DGKG: variants seen among roughly 807,000 people sequenced by gnomAD.
DGKG encodes the protein DAG kinase gamma.
A neutral mutation model predicts 105.3 loss-of-function variants in DGKG; 78 were observed. That is an observed-to-expected ratio of 0.74 (90% CI 0.62 to 0.89). The LOEUF is 0.89. DGKG is among the 40% of genes least tolerant of loss of function. DGKG has a pLI of 0.00. For synonymous variants in DGKG, 346 were observed against 367.1 expected (o/e 0.94, Z 0.66); for missense variants, 958 against 1,020.1 (o/e 0.94, Z 0.83).
At chr3:186,254,079 T>C (rs1026040873) in intron 17 of DGKG, among the ~76,000 whole-genome samples, 5 of 152,184 alleles carry the variant, frequency 3.3e-5, no homozygotes, top group African/African-American at 7.2e-5. Flanking sequence ...TGTTTTCATC[T>C]GGCCTCAGAT....
rs547248086 is a variant in DGKG at position 186,297,240 on chromosome 3, C to T, written c.373+181G>A. 1.8e-3 allele frequency among the ~76,000 whole-genome samples: 279 copies of T among 152,278 alleles called. 3 individuals carry two copies. The highest frequency in any genetic ancestry group is 2.2e-3 in the Non-Finnish European group (149 of 68,022). ...AAAAACCTTTACCCAGCCTCAGAAT[C>T]CCAGAACATTCAAATGACAGGAGCC... On this transcript the variant is annotated intron_variant, in intron 5 of 24. Coordinates refer to ENST00000265022, the MANE Select transcript of DGKG (RefSeq NM_001346.3).
intron 2 of DGKG, among the ~76,000 whole-genome samples, chr3:186,309,376 G>A (rs1331559050): frequency 2.0e-5 from 3 of 152,196 alleles, no homozygotes; most frequent in Non-Finnish European, 4.4e-5. Flanking sequence ...GGTCTTGAAT[G>A]TAGAGTTAAG....
At chr3:186,303,424 C>T (rs1259416061) in intron 3 of DGKG, among the ~76,000 whole-genome samples, 3 of 152,188 alleles carry the variant, frequency 2.0e-5, no homozygotes, top group African/African-American at 7.2e-5. Flanking sequence ...GGGCAATTTG[C>T]TCCTGCTGCA....
At chr3:186,261,646 G>T in intron 15 of DGKG, 53 bp downstream of exon 15, 2 of 1,292,594 alleles carry the variant, frequency 1.5e-6, no homozygotes, top group East Asian at 2.4e-5. Flanking sequence ...GGGGAGGAAG[G>T]GCCTGAGTCG....
chr3:186,197,552 C>T (rs1718241804), intron 21 of DGKG, among the ~76,000 whole-genome samples: 1 of 152,158 alleles, frequency 6.6e-6, no homozygotes, highest in South Asian at 2.1e-4. Flanking sequence ...CAGTGGTGCT[C>T]ATTTACAGCG....
chr3:186,161,008 G>GTTA, intron 24 of DGKG: 5 of 985,654 alleles, frequency 5.1e-6, no homozygotes, highest in Non-Finnish European at 6.0e-6. Flanking sequence ...TACGTTCTGG[G>GTTA]TGACAGTGCC....
At chr3:186,209,387 C>T (rs1173610157) in intron 21 of DGKG, among the ~76,000 whole-genome samples, 1 of 152,144 alleles carries the variant, frequency 6.6e-6, no homozygotes, top group Non-Finnish European at 1.5e-5. Context: ...CAAGTGTGAG[C>T]CACTGCACCT....
chr3:186,295,638 T>TAAAAAAAAAAAAAAAAA (rs34829528), intron 5 of DGKG, among the ~76,000 whole-genome samples: 4 of 84,510 alleles, frequency 4.7e-5, no homozygotes, highest in African/African-American at 2.0e-4. Flanking sequence ...TAATGCACAG[T>TAAAAAAAAAAAAAAAAA]AAAAAAAAAA....
intron 21 of DGKG, among the ~76,000 whole-genome samples, chr3:186,205,334 G>A (rs1718677454): frequency 6.6e-6 from 1 of 151,534 alleles, no homozygotes; most frequent in Non-Finnish European, 1.5e-5. Flanking sequence ...AGAACATAAA[G>A]GTGAGTGAAA....
At chr3:186,269,798 C>A (rs1370690195) in intron 11 of DGKG, among the ~76,000 whole-genome samples, 2 of 152,152 alleles carry the variant, frequency 1.3e-5, no homozygotes, top group Non-Finnish European at 2.9e-5. Context: ...GCTCCGTGAC[C>A]AGGAAAGACC....
At chr3:186,280,051 T>A in intron 8 of DGKG, 78 bp from the exon 9 acceptor site, 2 of 1,562,668 alleles carry the variant, frequency 1.3e-6, no homozygotes, top group Non-Finnish European at 1.8e-6. Flanking sequence ...GCTGTCTTGT[T>A]CATCTTGCAT....
At chr3:186,305,066 T>TA (rs2108623347) in intron 3 of DGKG, among the ~76,000 whole-genome samples, 1 of 152,368 alleles carries the variant, frequency 6.6e-6, no homozygotes, top group East Asian at 1.9e-4. Context: ...GAATGCCTGC[T>TA]ATAAGCCAGA....
intron 1 of DGKG, among the ~76,000 whole-genome samples, chr3:186,334,842 G>A (rs1194909772): frequency 3.9e-5 from 6 of 152,012 alleles, no homozygotes; most frequent in Non-Finnish European, 7.4e-5. Context: ...CAAAGTTAAC[G>A]GGCATTGGCT....
In DGKG at chr3:186,249,748, G is replaced by A. The variant is rs569971832; in HGVS notation, c.1761+2011C>T. On this transcript the variant is annotated intron_variant, in intron 19 of 24. Transcript: ENST00000265022. ...CCCCAACTTCTGAGGCAGGAGAATC[G>A]CTTGAACCTGGGAAGCGGAGGTTTC... Among the ~76,000 whole-genome samples, 9 of 152,230 alleles carry A rather than the reference G, an allele frequency of 5.9e-5. No individual in the cohort carries two copies. The South Asian group carries it at 1.5e-3, about 25-fold the overall frequency.
chr3:186,267,781 G>A lies in DGKG; in HGVS notation c.1117-4C>T, dbSNP rs778303006. ...ATAATTCACATTTGCGGTGAAACTG[G>A]GGGGAGAAATGAAAAAGAGAGTGAG... On this transcript the variant is annotated splice_region_variant and splice_polypyrimidine_tract_variant and intron_variant, in intron 12 of 24. Coordinates refer to ENST00000265022, the MANE Select transcript of DGKG (RefSeq NM_001346.3). The A allele has an allele frequency of 2.9e-5, 46 of 1,613,334 alleles. No individual in the cohort carries two copies. Among genetic ancestry groups the A allele is most frequent in the Non-Finnish European group, 3.9e-5 (46 of 1,179,466 alleles).
intron 1 of DGKG, among the ~76,000 whole-genome samples, chr3:186,356,348 G>A (rs1726957006): frequency 6.6e-6 from 1 of 152,200 alleles, no homozygotes; most frequent in African/African-American, 2.4e-5. Context: ...TGGGCAAGTT[G>A]GCGAGGCAGA....
chr3:186,272,139 G>C lies in DGKG; in HGVS notation c.999+116C>G, dbSNP rs554873320. On this transcript the variant is annotated intron_variant, in intron 11 of 24. Transcript: ENST00000265022. ...GGGATGGTTTACAGGTGGTCCTCAA[G>C]GCAGAGAAGGGACTGGATGAAGCTC... 3.9e-6 allele frequency: 3 copies of C among 768,732 alleles called. No homozygotes were observed. In the South Asian group the frequency reaches 4.6e-5, roughly 12 times the overall value. 47.6% of individuals were successfully genotyped at this position (768,732 alleles called of 1,614,324 possible).
chr3:186,337,423 A>C (rs572047419), intron 1 of DGKG, among the ~76,000 whole-genome samples: 2 of 152,150 alleles, frequency 1.3e-5, no homozygotes, highest in Non-Finnish European at 2.9e-5. Flanking sequence ...AAACAAAAAA[A>C]CAAACAAAAC....
chr3:186,281,044 CT>C (rs1401590472), intron 7 of DGKG: 1 of 249,224 alleles, frequency 4.0e-6, no homozygotes, highest in African/African-American at 2.2e-5. Context: ...ATAGAAAGCA[CT>C]CCTATTTTTA....
Sources: allele counts gnomAD v4.1 joint callset (sites outside exome capture counted in the v4.1 genomes callset), GRCh38; gene constraint gnomAD v4.1.1; transcripts MANE v1.5; gene names NCBI Gene and HGNC (gene_info 2026-07-23, HGNC 2026-07-21).